ILDR2: variants seen among roughly 807,000 people sequenced by gnomAD.
ILDR2 encodes the protein immunoglobulin like domain containing receptor 2.
Under a neutral mutation model 66.8 loss-of-function variants are expected in ILDR2, and 25 were observed. That is an observed-to-expected ratio of 0.37 (90% confidence interval 0.27 to 0.52). The LOEUF (loss-of-function observed/expected upper bound fraction) is 0.52, where lower values mean the gene tolerates loss of function less well. Among genes scored for constraint, ILDR2 ranks in the 20% least tolerant of loss-of-function variants. The probability of loss-of-function intolerance (pLI) is 0.88; values close to 1 mark genes in which losing one functional copy is unlikely to be tolerated. For missense variants in ILDR2, 827 were observed against 876.8 expected, an observed-to-expected ratio of 0.94 and a Z score of 0.72; for synonymous variants, 367 against 357.2, an observed-to-expected ratio of 1.03 and a Z score of -0.31.
intron 1 of ILDR2, among the ~76,000 whole-genome samples, chr1:166,963,450 T>C (rs1454280359): frequency 1.3e-5 from 2 of 152,170 alleles, no homozygotes; most frequent in Non-Finnish European, 2.9e-5. Context: ...CAGTTTAGGT[T>C]TGAACCTAGA....
Position 166,936,640 on chromosome 1 carries a change from G to C in ILDR2, c.654C>G (p.Cys218Trp). The change falls in exon 5 of 10, where the codon TGC (cysteine) becomes TGG (tryptophan). Residue 218 changes from cysteine to tryptophan, a missense_variant. Cys to Trp is a radical substitution (Grantham distance 215). Coordinates refer to ENST00000271417, the MANE Select transcript of ILDR2 (RefSeq NM_199351.3). The surrounding 1 kb of genome is among the most constrained non-coding windows in gnomAD (Gnocchi z 5.0). ...CTGGGCAGCATGGGCAGCGGACATA[G>C]CAGCAGCAGCTGTGAGGGCAGCACT... Reference protein sequence around the residue: ...WCQCCPHSCCCYVRCPCCPDS... With the variant: ...WCQCCPHSCCWYVRCPCCPDS... The C allele has an allele frequency of 6.2e-7, 1 of 1,612,762 alleles. No individual in the cohort carries two copies. The highest frequency in any genetic ancestry group is 8.5e-7 in the Non-Finnish European group (1 of 1,178,770).
At chr1:166,960,875 T>C (rs530885451) in intron 1 of ILDR2, among the ~76,000 whole-genome samples, 1 of 152,370 alleles carries the variant, frequency 6.6e-6, no homozygotes, top group East Asian at 1.9e-4. Context: ...TTCTAGCGCA[T>C]TAATTTTTTA....
At chr1:166,975,176 T>C (rs371146472) in intron 1 of ILDR2, 47 bp downstream of exon 1, 8 of 1,478,064 alleles carry the variant, frequency 5.4e-6, no homozygotes, top group African/African-American at 1.4e-5. Flanking sequence ...ACAGAACCAC[T>C]ACAGGAATAT....
intron 3 of ILDR2, chr1:166,943,923 G>A (rs1005494815): frequency 1.0e-4 from 85 of 815,480 alleles, no homozygotes; most frequent in Non-Finnish European, 1.2e-4. Flanking sequence ...AACTATCAGA[G>A]GAAAATACAG....
rs543271862 is a variant in ILDR2 at position 166,947,204 on chromosome 1, A to G, written c.500-7634T>C. Among the ~76,000 whole-genome samples the G allele has an allele frequency of 2.0e-5, 3 of 152,298 alleles. No individual in the cohort carries two copies. In the South Asian group the frequency reaches 6.2e-4, roughly 32 times the overall value. On this transcript the variant is annotated intron_variant, in intron 3 of 9. Transcript: ENST00000271417. ...TTAAAATGCCGTGGAGGAGCGTGGG[A>G]TGTCATGGAACGGGGAAAGTGAGTT...
intron 6 of ILDR2, among the ~76,000 whole-genome samples, chr1:166,932,652 T>C (rs775796873): frequency 1.4e-4 from 22 of 152,116 alleles, no homozygotes; most frequent in Non-Finnish European, 2.9e-4. Context: ...AGTAGCTGCC[T>C]TGAAGAATGG....
At chr1:166,954,484 TA>T (rs1362501583) in intron 3 of ILDR2, among the ~76,000 whole-genome samples, 1 of 152,192 alleles carries the variant, frequency 6.6e-6, no homozygotes, top group East Asian at 1.9e-4. Flanking sequence ...AGTGTTGCCC[TA>T]AAAAGTTTCC....
At chr1:166,956,946 G>A (rs938855055) in intron 2 of ILDR2, 94 bp from the exon 3 acceptor site, 11 of 1,301,256 alleles carry the variant, frequency 8.5e-6, no homozygotes, top group Non-Finnish European at 1.2e-5. Context: ...AAACCTTCTG[G>A]GGTATCTGCA....
chr1:166,956,635 C>T (rs996500729), intron 3 of ILDR2, 98 bp downstream of exon 3: 79 of 1,346,004 alleles, frequency 5.9e-5, no homozygotes, highest in Admixed American at 3.8e-4. Context: ...GTGTATGCAA[C>T]CTGCTAATGC....
chr1:166,917,906 T>C lies in ILDR2; in HGVS notation c.*1449A>G, dbSNP rs1172647679. On this transcript the variant is annotated 3_prime_UTR_variant, in exon 10 of 10. Coordinates refer to ENST00000271417, the MANE Select transcript of ILDR2 (RefSeq NM_199351.3). ...TCCAGGCTTGTTCACCTGATGGTAG[T>C]TGCAAGGTTCCCAAGAGCAGCAAAA... 1 of 152,172 alleles carries C rather than the reference T, an allele frequency of 6.6e-6. No individual in the cohort carries two copies. The highest frequency in any genetic ancestry group is 2.4e-5 in the African/African-American group (1 of 41,442). The allele number at this position is 152,172 out of a possible 1,614,324, so 9.4% of individuals were successfully genotyped here.
intron 3 of ILDR2, among the ~76,000 whole-genome samples, chr1:166,949,141 G>A (rs1661821611): frequency 6.6e-6 from 1 of 152,176 alleles, no homozygotes; most frequent in South Asian, 2.1e-4. Context: ...AATTCCTTTG[G>A]GGAATGGGAG....
At chr1:166,945,072 T>C (rs1661537265) in intron 3 of ILDR2, among the ~76,000 whole-genome samples, 1 of 152,188 alleles carries the variant, frequency 6.6e-6, no homozygotes, top group African/African-American at 2.4e-5. Flanking sequence ...TATAGTGACT[T>C]TATCAACCTC....
At chr1:166,957,737 A>G (rs1435231172) in intron 2 of ILDR2, 32 bp downstream of exon 2, 2 of 1,558,500 alleles carry the variant, frequency 1.3e-6, no homozygotes, top group East Asian at 4.5e-5. Flanking sequence ...CCTCCCTCCC[A>G]TTTCCTAGAT....
intron 7 of ILDR2, among the ~76,000 whole-genome samples, chr1:166,926,866 G>A (rs1003865228): frequency 5.9e-5 from 9 of 151,822 alleles, no homozygotes; most frequent in African/African-American, 1.9e-4. Flanking sequence ...AGATGCTACC[G>A]AATTGCTCTA....
At chr1:166,933,128 A>G (rs1571134779) in intron 6 of ILDR2, among the ~76,000 whole-genome samples, 1 of 152,226 alleles carries the variant, frequency 6.6e-6, no homozygotes, top group African/African-American at 2.4e-5. Context: ...TTGCTAACAG[A>G]ACCGTGATTT....
At chr1:166,929,338 C>A (rs1221521862) in intron 6 of ILDR2, among the ~76,000 whole-genome samples, 1 of 152,166 alleles carries the variant, frequency 6.6e-6, no homozygotes, top group Non-Finnish European at 1.5e-5. Context: ...TTGAAAAGTT[C>A]TGTCTCTCTC....
At chr1:166,924,003 C>A (rs570951500) in intron 7 of ILDR2, among the ~76,000 whole-genome samples, 47 of 149,726 alleles carry the variant, frequency 3.1e-4, no homozygotes, top group African/African-American at 1.1e-3. Flanking sequence ...CTCTACTTTC[C>A]CCCCTTGCTA....
rs1484294509 is a variant in ILDR2 at position 166,909,115 on chromosome 1, GC to G, written c.*10239del. ...CATAAACAGACTTGCCACATCTCTG[GC>G]CACATGATTAGCTCAGATATGGGCA... On this transcript the variant is annotated 3_prime_UTR_variant, in exon 10 of 10. Transcript: ENST00000271417. The G allele has an allele frequency of 6.6e-6, 1 of 152,104 alleles. No homozygotes were observed. The highest frequency in any genetic ancestry group is 1.5e-5 in the Non-Finnish European group (1 of 68,040). 9.4% of individuals were successfully genotyped at this position (152,104 alleles called of 1,614,324 possible).
At chr1:166,943,085 A>G (rs1217051551) in intron 3 of ILDR2, among the ~76,000 whole-genome samples, 2 of 152,172 alleles carry the variant, frequency 1.3e-5, no homozygotes, top group African/African-American at 2.4e-5. Flanking sequence ...AGTGTAGGTG[A>G]TATGTGCAGT....
Sources: gnomAD v4.1 joint callset for allele counts (sites outside exome capture counted in the v4.1 genomes callset) on GRCh38, gnomAD v4.1.1 for gene constraint, Gnocchi (gnomAD v3.1) non-coding constraint, MANE v1.5 for transcripts, NCBI Gene and HGNC (gene_info 2026-07-23, HGNC 2026-07-21) for gene names.